The following FBXO21 variants were observed in gnomAD, a reference collection of about 807,000 sequenced individuals.
FBXO21 encodes F-box only protein 21.
In FBXO21, 32 loss-of-function variants were observed where a neutral mutation model predicts 76.6. That is an observed-to-expected ratio of 0.42 (90% CI 0.32 to 0.56). FBXO21 has a LOEUF of 0.56. Among genes scored for constraint, FBXO21 ranks in the 20% least tolerant of loss-of-function variants. The pLI is 0.16. For synonymous variants in FBXO21, 328 were observed against 311.5 expected (o/e 1.05, Z -0.56); for missense variants, 586 against 797.3 (o/e 0.73, Z 3.19).
intron 3 of FBXO21, among the ~76,000 whole-genome samples, chr12:117,184,301 T>C (rs186546141): frequency 1.2e-4 from 18 of 152,316 alleles, no homozygotes; most frequent in Admixed American, 7.8e-4. Context: ...TTTTTTGTGA[T>C]AGCAAGTCTT....
rs116957951 is a variant in FBXO21 at position 117,166,286 on chromosome 12, C to T, written c.1193+612G>A. 7.7e-4 allele frequency among the ~76,000 whole-genome samples: 117 copies of T among 151,724 alleles called. 1 individual carries two copies. The East Asian group carries it at 0.021, about 28-fold the overall frequency. The stretch of plus-strand genomic sequence containing the variant: ...CTGTGTGATACTATAAAGGGGGACA[C>T]ATGTCATTATGTGTTTGTGCAAACA... On this transcript the variant is annotated intron_variant, in intron 8 of 11. Transcript: ENST00000622495.
At chr12:117,162,999 C>T (rs1440182845) in intron 9 of FBXO21, among the ~76,000 whole-genome samples, 1 of 152,182 alleles carries the variant, frequency 6.6e-6, no homozygotes, top group African/African-American at 2.4e-5. Flanking sequence ...GCTTCTTCCG[C>T]ACTGGGAGTC....
rs549666710 is a variant in FBXO21 at position 117,162,303 on chromosome 12, G to A, written c.1326+3182C>T. Among the ~76,000 whole-genome samples, 54 of 152,312 alleles carry A rather than the reference G, an allele frequency of 3.5e-4. No homozygotes were observed. The South Asian group carries it at 8.5e-3, about 24-fold the overall frequency. On this transcript the variant is annotated intron_variant, in intron 9 of 11. Coordinates refer to ENST00000622495, the MANE Select transcript of FBXO21 (RefSeq NM_015002.3). ...CCTGTGTGCTGGCTTCTTCAGAAGC[G>A]CTCTGGCCTTGGCCCACTGTACCAC...
At chr12:117,176,103 T>G (rs1474269946) in intron 4 of FBXO21, among the ~76,000 whole-genome samples, 1 of 152,212 alleles carries the variant, frequency 6.6e-6, no homozygotes, top group Non-Finnish European at 1.5e-5. Flanking sequence ...ACATTTACAC[T>G]AAGCATTGTG....
chr12:117,150,362 G>A (rs1198237249), intron 11 of FBXO21, among the ~76,000 whole-genome samples: 1 of 152,172 alleles, frequency 6.6e-6, no homozygotes, highest in African/African-American at 2.4e-5. Context: ...CACTACCCAT[G>A]AGTCCTGTGT....
chr12:117,181,573 A>T (rs1592895388), intron 3 of FBXO21, among the ~76,000 whole-genome samples: 1 of 138,220 alleles, frequency 7.2e-6, no homozygotes, highest in Non-Finnish European at 1.5e-5. Context: ...CAGTCTATCG[A>T]TCGATCGATC....
Position 117,174,352 on chromosome 12 carries a change from G to A in FBXO21, c.740-11C>T, listed in dbSNP as rs61568898. ...TCATGGATGATTCACCTGAAACACA[G>A]AGATCTACTCTGGGACCCAAGCACA... On this transcript the variant is annotated splice_polypyrimidine_tract_variant and intron_variant, in intron 5 of 11. Coordinates refer to ENST00000622495, the MANE Select transcript of FBXO21 (RefSeq NM_015002.3). 1.6e-3 allele frequency: 2,547 copies of A among 1,613,988 alleles called. 43 individuals carry two copies. In the East Asian group the frequency reaches 0.027, roughly 17 times the overall value.
intron 10 of FBXO21, among the ~76,000 whole-genome samples, chr12:117,156,160 T>A (rs1955913367): frequency 6.6e-6 from 1 of 152,182 alleles, no homozygotes; most frequent in Non-Finnish European, 1.5e-5. Flanking sequence ...CAAAAAGTGA[T>A]TAGATGACAA....
At chr12:117,147,298 A>G (rs532450129) in intron 11 of FBXO21, among the ~76,000 whole-genome samples, 2 of 120,686 alleles carry the variant, frequency 1.7e-5, no homozygotes, top group Non-Finnish European at 3.7e-5. Flanking sequence ...TGGAAAAAAA[A>G]AAAAAAAAAG....
At chr12:117,162,534 C>T (rs1955992970) in intron 9 of FBXO21, among the ~76,000 whole-genome samples, 1 of 152,232 alleles carries the variant, frequency 6.6e-6, no homozygotes, top group South Asian at 2.1e-4. Flanking sequence ...GTACTCCCGA[C>T]TTAAAATCTC....
chr12:117,158,133 A>G (rs774396206), intron 9 of FBXO21, 70 bp from the exon 10 acceptor site: 21 of 1,561,308 alleles, frequency 1.3e-5, no homozygotes, highest in Non-Finnish European at 1.8e-5. Flanking sequence ...GCGGCGAGGG[A>G]TTTAGACCTA....
At position 117,167,611 on chromosome 12, in the gene FBXO21, C is replaced by T. The variant is rs1365788265; in HGVS notation, c.1014-534G>A. Among the ~76,000 whole-genome samples, 7 of 152,110 alleles carry T rather than the reference C, an allele frequency of 4.6e-5. No individual in the cohort carries two copies. In the East Asian group the frequency reaches 1.4e-3, roughly 29 times the overall value. ...AAAAAATTGGCCAGGTGTGGTAGCA[C>T]GCACCTGTAGTCCCAGCTACTCGGG... On this transcript the variant is annotated intron_variant, in intron 7 of 11. Coordinates refer to ENST00000622495, the MANE Select transcript of FBXO21 (RefSeq NM_015002.3).
chr12:117,183,872 G>A (rs1013331721), intron 3 of FBXO21, among the ~76,000 whole-genome samples: 9 of 152,130 alleles, frequency 5.9e-5, no homozygotes, highest in African/African-American at 2.2e-4. Context: ...TATGATGCAC[G>A]TTTTCCTTTC....
intron 3 of FBXO21, among the ~76,000 whole-genome samples, chr12:117,178,462 C>T (rs1226112277): frequency 2.0e-5 from 3 of 152,106 alleles, no homozygotes; most frequent in Non-Finnish European, 4.4e-5. Context: ...CGTACGGTCA[C>T]GCCACCCAAT....
chr12:117,181,420 G>A (rs958351239), intron 3 of FBXO21, among the ~76,000 whole-genome samples: 3 of 151,702 alleles, frequency 2.0e-5, no homozygotes. Flanking sequence ...TTTTTGCTTG[G>A]ATGCTCAAAG....
Position 117,146,146 on chromosome 12 carries a change from ACT to A in FBXO21, c.1805_1806del (p.Glu602ValfsTer4). 1 of 1,613,358 alleles carries A rather than the reference ACT, an allele frequency of 6.2e-7. No homozygotes were observed. Among genetic ancestry groups the A allele is most frequent in the Non-Finnish European group, 8.5e-7 (1 of 1,179,850 alleles). On this transcript the variant is annotated frameshift_variant, in exon 12 of 12. Transcript: ENST00000622495. LOFTEE classifies it high-confidence loss of function. The stretch of plus-strand genomic sequence containing the variant: ...ATATTCTGCACCGTTTCATAGACAA[ACT>A]CCAGATCTTCTGGATACCGGATCTC... ...ELEIRYPEDL[E>X]FVYETVQNIY...
At position 117,177,661 on chromosome 12, in the gene FBXO21, A is replaced by G; in HGVS notation, c.471-20T>C. The G allele has an allele frequency of 6.2e-7, 1 of 1,608,604 alleles. No individual in the cohort carries two copies. Among genetic ancestry groups the G allele is most frequent in the Non-Finnish European group, 8.5e-7 (1 of 1,177,670 alleles). ...GCTTTTCTGGAAACAAAAAGTCAGT[A>G]AGAATTAAGATTTGAAAACTTTCAG... On this transcript the variant is annotated intron_variant, in intron 3 of 11. Coordinates refer to ENST00000622495, the MANE Select transcript of FBXO21 (RefSeq NM_015002.3).
At chr12:117,157,477 G>A (rs937567941) in intron 10 of FBXO21, among the ~76,000 whole-genome samples, 1 of 152,126 alleles carries the variant, frequency 6.6e-6, no homozygotes, top group African/African-American at 2.4e-5. Context: ...AATTTTGCCT[G>A]GTAAATAGAC....
At chr12:117,167,145 GCTCAAAT>G (rs2135865466) in intron 7 of FBXO21, 68 bp from the exon 8 acceptor site, 2 of 1,210,618 alleles carry the variant, frequency 1.7e-6, no homozygotes, top group African/African-American at 3.0e-5. Flanking sequence ...ACAGTAAGTA[GCTCAAAT>G]CATGGGCTGA....
Sources: allele counts gnomAD v4.1 joint callset (sites outside exome capture counted in the v4.1 genomes callset), GRCh38; gene constraint gnomAD v4.1.1; transcripts MANE v1.5; gene names NCBI Gene and HGNC (gene_info 2026-07-23, HGNC 2026-07-21).